WDR86: variants seen among roughly 807,000 people sequenced by gnomAD.
WDR86 encodes the protein WD repeat domain 86, also known as WD repeat-containing protein 86.
In WDR86, 30 loss-of-function variants were observed where a neutral mutation model predicts 36.5. The ratio of observed to expected loss-of-function variants is 0.82; its 90% CI spans 0.61 to 1.11. The LOEUF is 1.11. Among genes scored for constraint, WDR86 ranks in the 50% most tolerant of loss-of-function variants. The pLI, the probability that WDR86 is intolerant of heterozygous loss-of-function variation, is 0.00. For synonymous variants in WDR86, 255 were observed against 252.9 expected (o/e 1.01, Z -0.08); for missense variants, 545 against 561.2 (o/e 0.97, Z 0.29).
At chr7:151,371,352 C>A (rs1797946456), downstream of WDR86, among the ~76,000 whole-genome samples, 1 of 80,890 alleles carries the variant, frequency 1.2e-5, no homozygotes, top group Non-Finnish European at 2.7e-5. Context: ...TGAGGTCTGT[C>A]TTTTACCCCC....
intron 1 of WDR86, among the ~76,000 whole-genome samples, chr7:151,408,065 G>T (rs946940506): frequency 6.6e-6 from 1 of 152,210 alleles, no homozygotes; most frequent in Admixed American, 6.5e-5. Context: ...TGGCTGTTTG[G>T]GGGGGATGTG....
chr7:151,398,980 G>A (rs189955677), intron 2 of WDR86, among the ~76,000 whole-genome samples: 6 of 152,134 alleles, frequency 3.9e-5, no homozygotes, highest in South Asian at 2.1e-4. Flanking sequence ...GCTGGGAAGA[G>A]GCCAGTGGAG....
downstream of WDR86, chr7:151,377,433 C>T (rs904395659): frequency 3.1e-5 from 13 of 417,524 alleles, no homozygotes; most frequent in Non-Finnish European, 4.3e-5. Context: ...TGGCGCAGGC[C>T]GTTCCATCTG....
downstream of WDR86, chr7:151,374,584 A>C: frequency 2.6e-6 from 1 of 383,586 alleles, no homozygotes; most frequent in East Asian, 4.8e-5. Context: ...TGGGAATTCA[A>C]CTTGTAGTAT....
Position 151,390,886 on chromosome 7 carries a change from A to G in WDR86, c.726+4890T>C, listed in dbSNP as rs1188512075. 6.6e-6 allele frequency among the ~76,000 whole-genome samples: 1 copy of G among 152,258 alleles called. No individual in the cohort carries two copies. Among genetic ancestry groups the G allele is most frequent in the Non-Finnish European group, 1.5e-5 (1 of 68,048 alleles). On this transcript the variant is annotated intron_variant, in intron 3 of 5. Transcript: ENST00000334493. This position sits in a 1 kb window ranked among gnomAD's most constrained non-coding sequence, Gnocchi z 4.5. ...GAAGGGCGGGTGCCCGGGGCATGGA[A>G]GAGCAGCGGGGAGTCAGTGTTTAAT...
chr7:151,379,386 G>A (rs571913145), downstream of WDR86, among the ~76,000 whole-genome samples: 4 of 152,280 alleles, frequency 2.6e-5, no homozygotes, highest in South Asian at 4.1e-4. Flanking sequence ...CCCTGTCCTT[G>A]TGTTCCTGCC....
chr7:151,396,175 C>A lies in WDR86; in HGVS notation c.327G>T (p.Gln109His). 1 of 1,612,934 alleles carries A rather than the reference C, an allele frequency of 6.2e-7. No individual in the cohort carries two copies. The highest frequency in any genetic ancestry group is 8.5e-7 in the Non-Finnish European group (1 of 1,179,872). ...IVNRILVANN[Q>H]LFSSSYDRTA... ...TCCGGTCATAGGAGCTGCTGAAGAGCTGGTTGTTGGCAACCAGGATCCTGG... is the reference window on the plus strand; with the variant it reads ...TCCGGTCATAGGAGCTGCTGAAGAGATGGTTGTTGGCAACCAGGATCCTGG... Residue 109 changes from glutamine to histidine, a missense_variant, in exon 3 of 6, where the codon CAG (glutamine) becomes CAT (histidine). By Grantham distance (24) the Gln-to-His change is conservative (BLOSUM62 0). Coordinates refer to ENST00000334493, the MANE Select transcript of WDR86 (RefSeq NM_198285.3).
intron 2 of WDR86, 65 bp from the exon 3 acceptor site, chr7:151,396,261 C>T (rs1008319607): frequency 7.0e-6 from 11 of 1,565,876 alleles, no homozygotes; most frequent in East Asian, 2.2e-5. Context: ...CACAGCCTCC[C>T]GACATGCCAT....
chr7:151,410,031 A>C lies in WDR86; in HGVS notation c.-442T>G. The C allele has an allele frequency of 1.0e-6, 1 of 990,856 alleles. No homozygotes were observed. The highest frequency in any genetic ancestry group is 1.2e-6 in the Non-Finnish European group (1 of 833,990). The allele number at this position is 990,856 out of a possible 1,614,324, so 61.4% of individuals were successfully genotyped here. A position where few individuals can be genotyped will look rare whatever the true frequency, so the allele number is the denominator to read the frequency against. ...CGCCCTCCCCGGCCGAGCGCGGAAC[A>C]ATACGGTCCAGCCTGGCTCCTCCTC... On this transcript the variant is annotated 5_prime_UTR_variant, in exon 1 of 6. In the 5' UTR this introduces an upstream ATG that the reference lacks. Coordinates refer to ENST00000334493, the MANE Select transcript of WDR86 (RefSeq NM_198285.3).
intron 3 of WDR86, among the ~76,000 whole-genome samples, chr7:151,392,184 G>T (rs1049833650): frequency 6.6e-6 from 1 of 152,116 alleles, no homozygotes; most frequent in African/African-American, 2.4e-5. Flanking sequence ...TCTGATCGGG[G>T]CCCCCAGCCT....
At chr7:151,395,368 C>G (rs1268680952) in intron 3 of WDR86, among the ~76,000 whole-genome samples, 8 of 152,206 alleles carry the variant, frequency 5.3e-5, no homozygotes, top group African/African-American at 1.2e-4. Flanking sequence ...GCAGCCCTAC[C>G]CCACCCCTGT....
Position 151,381,911 on chromosome 7 carries a change from G to T in WDR86, c.933C>A (p.Phe311Leu). Reference protein sequence around the residue: ...DAQSGELRRVFRGHTFIINCI... With the variant: ...DAQSGELRRVLRGHTFIINCI... The stretch of plus-strand genomic sequence containing the variant: ...AGTTGATGATGAATGTGTGGCCCCG[G>T]AACACCCTCCGCAGCTCTCCAGACT... The change falls in exon 5 of 6, where the codon TTC (phenylalanine) becomes TTA (leucine). Residue 311 changes from phenylalanine to leucine, a missense_variant. By Grantham distance (22) the Phe-to-Leu change is conservative (BLOSUM62 0). Transcript: ENST00000334493. This position sits in a 1 kb window ranked among gnomAD's most constrained non-coding sequence, Gnocchi z 4.8. 1 of 1,610,488 alleles carries T rather than the reference G, an allele frequency of 6.2e-7. No homozygotes were observed. Among genetic ancestry groups the T allele is most frequent in the African/African-American group, 1.3e-5 (1 of 74,968 alleles).
At chr7:151,397,862 C>T (rs918986699) in intron 2 of WDR86, among the ~76,000 whole-genome samples, 1 of 145,222 alleles carries the variant, frequency 6.9e-6, no homozygotes, top group African/African-American at 2.6e-5. Flanking sequence ...AAGGGTGTAG[C>T]GGGAGGCCTT....
At position 151,406,415 on chromosome 7, in the gene WDR86, G is replaced by A. The variant is rs931252291; in HGVS notation, c.163+3012C>T. On this transcript the variant is annotated intron_variant, in intron 1 of 5. Transcript: ENST00000334493. The surrounding 1 kb of genome is among the most constrained non-coding windows in gnomAD (Gnocchi z 4.4). The stretch of plus-strand genomic sequence containing the variant: ...TAGAGGAAAAGCGTACGTAGGAGTC[G>A]CCAGCCCCAGCCACTCTGCTCGAGA... Among the ~76,000 whole-genome samples, 16 of 152,172 alleles carry A rather than the reference G, an allele frequency of 1.1e-4. No homozygotes were observed. The highest frequency in any genetic ancestry group is 9.8e-4 in the Admixed American group (15 of 15,280).
chr7:151,385,243 AG>A lies in WDR86; in HGVS notation c.727-21del, dbSNP rs1174406536. 2 of 1,609,002 alleles carry A rather than the reference AG, an allele frequency of 1.2e-6. No homozygotes were observed. The highest frequency in any genetic ancestry group is 1.7e-6 in the Non-Finnish European group (2 of 1,179,816). ...CACCAGCTGCGAGGAGGAGCAGGGA[AG>A]GTCGGCAGCTGGGGCAGCTCTGAAG... is the stretch of plus-strand genomic sequence containing the variant. On this transcript the variant is annotated intron_variant, in intron 3 of 5. Coordinates refer to ENST00000334493, the MANE Select transcript of WDR86 (RefSeq NM_198285.3).
At position 151,392,978 on chromosome 7, in the gene WDR86, C is replaced by T. The variant is rs573553579; in HGVS notation, c.726+2798G>A. On this transcript the variant is annotated intron_variant, in intron 3 of 5. Coordinates refer to ENST00000334493, the MANE Select transcript of WDR86 (RefSeq NM_198285.3). ...AGCCCCACTGGCCACCTGGGCCAGG[C>T]TGTCCCTGGCTGTTCCCATGGGCAC... is the stretch of plus-strand genomic sequence containing the variant. Among the ~76,000 whole-genome samples, 3 of 152,330 alleles carry T rather than the reference C, an allele frequency of 2.0e-5. No homozygotes were observed. In the South Asian group the frequency reaches 6.2e-4, roughly 32 times the overall value.
intron 4 of WDR86, among the ~76,000 whole-genome samples, chr7:151,382,427 AC>A (rs1175414752): frequency 6.6e-6 from 1 of 151,808 alleles, no homozygotes; most frequent in Non-Finnish European, 1.5e-5. Flanking sequence ...CACCCCCGGG[AC>A]CCCTAGCGGG....
downstream of WDR86, among the ~76,000 whole-genome samples, chr7:151,371,840 C>A (rs1171236961): frequency 6.6e-6 from 1 of 152,112 alleles, no homozygotes; most frequent in Non-Finnish European, 1.5e-5. Flanking sequence ...ATCTCCCGGG[C>A]TCCAATGATC....
At chr7:151,398,453 G>A (rs1394392735) in intron 2 of WDR86, among the ~76,000 whole-genome samples, 2 of 151,764 alleles carry the variant, frequency 1.3e-5, no homozygotes, top group African/African-American at 4.8e-5. Flanking sequence ...ATGAGTGTAT[G>A]TGTGTGCACA....
Sources: gnomAD v4.1 joint callset for allele counts (sites outside exome capture counted in the v4.1 genomes callset) on GRCh38, gnomAD v4.1.1 for gene constraint, Gnocchi (gnomAD v3.1) non-coding constraint, MANE v1.5 for transcripts, NCBI Gene and HGNC (gene_info 2026-07-23, HGNC 2026-07-21) for gene names.